Variants in SEMA5A observed in about 807,000 individuals in gnomAD.
SEMA5A encodes the protein semaphorin 5A, also known as semaphorin-5A.
SEMA5A carries 55 observed loss-of-function variants against 135.5 expected under a neutral mutation model. That is an observed-to-expected ratio of 0.41 (90% CI 0.33 to 0.51). The LOEUF (loss-of-function observed/expected upper bound fraction) is 0.51. Among genes scored for constraint, SEMA5A ranks in the 20% least tolerant of loss-of-function variants. The pLI is 0.37. For missense variants in SEMA5A, 1,290 were observed against 1,419.9 expected (o/e 0.91, Z 1.47); for synonymous variants, 580 against 546.5 (o/e 1.06, Z -0.85).
At chr5:9,504,861 T>C (rs1234399913) in intron 1 of SEMA5A, among the ~76,000 whole-genome samples, 4 of 152,206 alleles carry the variant, frequency 2.6e-5, no homozygotes, top group Admixed American at 2.6e-4. Flanking sequence ...AAGCATCGGG[T>C]TCCTTTTATG....
At chr5:9,351,905 C>T (rs985081863) in intron 3 of SEMA5A, among the ~76,000 whole-genome samples, 38 of 152,202 alleles carry the variant, frequency 2.5e-4, no homozygotes, top group African/African-American at 8.9e-4. Flanking sequence ...GGCACTCTAC[C>T]TTTAGCCTTC....
intron 5 of SEMA5A, among the ~76,000 whole-genome samples, chr5:9,244,318 G>T (rs1307588202): frequency 6.6e-6 from 1 of 152,124 alleles, no homozygotes; most frequent in Non-Finnish European, 1.5e-5. Flanking sequence ...CCATGTCCAG[G>T]TACTTATTTC....
chr5:9,101,891 T>C (rs1214569342), intron 16 of SEMA5A, among the ~76,000 whole-genome samples: 1 of 152,138 alleles, frequency 6.6e-6, no homozygotes, highest in Non-Finnish European at 1.5e-5. Context: ...CAATGTAAAA[T>C]AACAACCCTT....
chr5:9,051,759 T>G, intron 20 of SEMA5A, 114 bp downstream of exon 20: 1 of 1,306,020 alleles, frequency 7.7e-7, no homozygotes, highest in Non-Finnish European at 1.1e-6. Flanking sequence ...TGGGGCTTGA[T>G]GGAATCATCT....
At chr5:9,390,532 AT>A (rs1275421141) in intron 2 of SEMA5A, among the ~76,000 whole-genome samples, 1 of 152,252 alleles carries the variant, frequency 6.6e-6, no homozygotes, top group East Asian at 1.9e-4. Flanking sequence ...TAGATAAACT[AT>A]TTAGCAGAAA....
chr5:9,055,690 A>C (rs1736850957), intron 18 of SEMA5A, among the ~76,000 whole-genome samples: 1 of 152,202 alleles, frequency 6.6e-6, no homozygotes, highest in Non-Finnish European at 1.5e-5. Flanking sequence ...CCAATTTAGA[A>C]ATAAGTTTGC....
chr5:9,066,967 A>G (rs1190056664), intron 16 of SEMA5A, among the ~76,000 whole-genome samples: 1 of 152,170 alleles, frequency 6.6e-6, no homozygotes, highest in Non-Finnish European at 1.5e-5. Context: ...TGAGTAGCTA[A>G]AAGTACCCAT....
rs562743642 is a variant in SEMA5A, at chr5:9,295,165, A to G, written c.270+23207T>C. Among the ~76,000 whole-genome samples, 5 of 152,328 alleles carry G rather than the reference A, an allele frequency of 3.3e-5. No individual in the cohort carries two copies. The East Asian group carries it at 9.7e-4, about 29-fold the overall frequency. On this transcript the variant is annotated intron_variant, in intron 5 of 22. Transcript: ENST00000382496. ...GTTTCCCAGGGTTCATGTTCAAAGT[A>G]GGGATTCCCGCTACCCCAAATTCTT...
At chr5:9,397,107 C>T (rs1378904709) in intron 2 of SEMA5A, among the ~76,000 whole-genome samples, 5 of 151,698 alleles carry the variant, frequency 3.3e-5, no homozygotes, top group African/African-American at 1.2e-4. Context: ...CAAGACATTG[C>T]TTTTAAGATA....
At chr5:9,443,982 C>T (rs1275397703) in intron 1 of SEMA5A, among the ~76,000 whole-genome samples, 1 of 152,230 alleles carries the variant, frequency 6.6e-6, no homozygotes, top group Non-Finnish European at 1.5e-5. Flanking sequence ...CCCCTTCTCT[C>T]CTCTACAGGC....
intron 6 of SEMA5A, among the ~76,000 whole-genome samples, chr5:9,234,753 A>G (rs1056782044): frequency 6.6e-6 from 1 of 152,188 alleles, no homozygotes; most frequent in Admixed American, 6.5e-5. Context: ...AAGATTTCCC[A>G]TTATTTTTAA....
At chr5:9,222,956 C>A (rs373492721) in intron 8 of SEMA5A, among the ~76,000 whole-genome samples, 3 of 152,302 alleles carry the variant, frequency 2.0e-5, no homozygotes, top group Admixed American at 6.5e-5. Context: ...TTGCTTCTGG[C>A]AAATGCTAAT....
At chr5:9,506,613 T>C (rs1307769030) in intron 1 of SEMA5A, among the ~76,000 whole-genome samples, 5 of 152,122 alleles carry the variant, frequency 3.3e-5, no homozygotes, top group Admixed American at 6.5e-5. Flanking sequence ...GCTTATGGGG[T>C]CCAAAATCTC....
chr5:9,503,870 A>G (rs1246770242), intron 1 of SEMA5A, among the ~76,000 whole-genome samples: 3 of 152,246 alleles, frequency 2.0e-5, no homozygotes, highest in Non-Finnish European at 4.4e-5. Context: ...TGGAACAGAC[A>G]AAGTGCTAAA....
chr5:9,054,871 G>A (rs1055170345), intron 18 of SEMA5A, among the ~76,000 whole-genome samples: 4 of 152,210 alleles, frequency 2.6e-5, no homozygotes, highest in Non-Finnish European at 5.9e-5. Context: ...TTGACACTAT[G>A]TTTAAATGAC....
chr5:9,416,355 T>C (rs1044788865), intron 2 of SEMA5A, among the ~76,000 whole-genome samples: 5 of 152,312 alleles, frequency 3.3e-5, no homozygotes, highest in Admixed American at 2.6e-4. Context: ...TTCTGATCAC[T>C]GGTATCCACA....
Position 9,416,030 on chromosome 5 carries a change from C to T in SEMA5A, c.-78+21726G>A, listed in dbSNP as rs530721438. Among the ~76,000 whole-genome samples the T allele has an allele frequency of 2.0e-5, 3 of 152,242 alleles. 1 individual carries two copies. The South Asian group carries it at 6.2e-4, about 32-fold the overall frequency. ...ATAAACTCTGTGTTTCAGGGGTAAC[C>T]ACAAAAAGAGAAGACTTTCTACTTG... is the stretch of plus-strand genomic sequence containing the variant. On this transcript the variant is annotated intron_variant, in intron 2 of 22. Coordinates refer to ENST00000382496, the MANE Select transcript of SEMA5A (RefSeq NM_003966.3).
intron 5 of SEMA5A, among the ~76,000 whole-genome samples, chr5:9,244,825 T>C (rs1027224668): frequency 8.5e-5 from 13 of 152,322 alleles, no homozygotes; most frequent in African/African-American, 3.1e-4. Flanking sequence ...TACCACGTGT[T>C]GCACCTCTGT....
intron 10 of SEMA5A, among the ~76,000 whole-genome samples, chr5:9,193,772 C>G (rs1234719500): frequency 6.6e-6 from 1 of 152,102 alleles, no homozygotes; most frequent in East Asian, 1.9e-4. Context: ...GTGGTGGGCA[C>G]CTGTAATCCC....
Sources: gnomAD v4.1 joint callset for allele counts (sites outside exome capture counted in the v4.1 genomes callset) on GRCh38, gnomAD v4.1.1 for gene constraint, MANE v1.5 for transcripts, NCBI Gene and HGNC (gene_info 2026-07-23, HGNC 2026-07-21) for gene names.